Variants in KIF14 observed in about 807,000 individuals in gnomAD.
KIF14 encodes the protein kinesin-like protein KIF14.
In KIF14, 98 loss-of-function variants were observed where a neutral mutation model predicts 176.2. That is an observed-to-expected ratio of 0.56 (90% CI 0.47 to 0.66). The LOEUF (loss-of-function observed/expected upper bound fraction) is 0.66, where lower values mean the gene tolerates loss of function less well. KIF14 is among the 30% of genes least tolerant of loss of function. KIF14 has a pLI of 0.00. For synonymous variants in KIF14, 566 were observed against 632.2 expected (o/e 0.90, Z 1.57); for missense variants, 1,751 against 1,920.4 (o/e 0.91, Z 1.65).
chr1:200,593,600 C>T lies in KIF14; in HGVS notation c.2652+67G>A, dbSNP rs1571528820. ...CCTTATCTTATAGAGAAAACCAGAA[C>T]TCAAAGAAATTAAATGACTTATCCA... is the stretch of plus-strand genomic sequence containing the variant. On this transcript the variant is annotated intron_variant, in intron 15 of 29. Transcript: ENST00000367350. The T allele has an allele frequency of 2.9e-6, 3 of 1,035,358 alleles. No homozygotes were observed. In the Admixed American group the frequency reaches 5.6e-5, roughly 19 times the overall value. The allele number at this position is 1,035,358 out of a possible 1,614,324, so 64.1% of individuals were successfully genotyped here. A position where few individuals can be genotyped will look rare whatever the true frequency, so the allele number is the denominator to read the frequency against.
At chr1:200,558,257 G>C (rs1184610922) in intron 27 of KIF14, among the ~76,000 whole-genome samples, 1 of 152,118 alleles carries the variant, frequency 6.6e-6, no homozygotes, top group Non-Finnish European at 1.5e-5. Flanking sequence ...CCCTGGCCAA[G>C]GATGGTTTTA....
chr1:200,609,648 CAAAAAA>C (rs1208207707), intron 4 of KIF14, among the ~76,000 whole-genome samples: 1 of 151,994 alleles, frequency 6.6e-6, no homozygotes, highest in African/African-American at 2.4e-5. Flanking sequence ...GACTCCATCT[CAAAAAA>C]GAAAAAGAAT....
At chr1:200,566,406 C>T (rs535834715) in intron 23 of KIF14, among the ~76,000 whole-genome samples, 3 of 151,652 alleles carry the variant, frequency 2.0e-5, no homozygotes, top group South Asian at 2.1e-4. Context: ...TCCTGGCTAA[C>T]GTGGTGAAAC....
intron 12 of KIF14, 75 bp from the exon 13 acceptor site, chr1:200,600,188 T>C (rs1659554591): frequency 7.9e-7 from 1 of 1,259,432 alleles, no homozygotes; most frequent in Non-Finnish European, 1.1e-6. Flanking sequence ...AGACAATCAA[T>C]GAAAATTAGG....
At chr1:200,617,218 T>C (rs901563096) in intron 2 of KIF14, among the ~76,000 whole-genome samples, 5 of 152,212 alleles carry the variant, frequency 3.3e-5, no homozygotes, top group African/African-American at 1.2e-4. Flanking sequence ...TCTGCCTGCC[T>C]TGACCTCCCA....
intron 3 of KIF14, 28 bp from the exon 4 acceptor site, chr1:200,614,433 A>T: frequency 1.5e-6 from 2 of 1,311,196 alleles, no homozygotes; most frequent in Non-Finnish European, 2.2e-6. Context: ...AATAAGGGGG[A>T]AATAAAACTA....
At chr1:200,603,475 C>G in intron 9 of KIF14, 134 bp from the exon 10 acceptor site, 1 of 587,996 alleles carries the variant, frequency 1.7e-6, no homozygotes, top group Non-Finnish European at 3.0e-6. Flanking sequence ...GAGACAGAGT[C>G]TCACTCTGTT....
intron 20 of KIF14, among the ~76,000 whole-genome samples, chr1:200,580,850 C>A (rs1341023708): frequency 6.6e-6 from 1 of 152,012 alleles, no homozygotes; most frequent in Non-Finnish European, 1.5e-5. Context: ...GTGGCTCACA[C>A]CTGTAATCCC....
Position 200,552,294 on chromosome 1 carries a change from A to G in KIF14, c.*1094T>C. The stretch of plus-strand genomic sequence containing the variant: ...CGTCAAACTATTTCCGTAATGTAAG[A>G]TCCCACAAGTAGAATATTATCTTTA... On this transcript the variant is annotated 3_prime_UTR_variant, in exon 30 of 30. Coordinates refer to ENST00000367350, the MANE Select transcript of KIF14 (RefSeq NM_014875.3). 1 of 152,126 alleles carries G rather than the reference A, an allele frequency of 6.6e-6. No individual in the cohort carries two copies. The highest frequency in any genetic ancestry group is 2.4e-5 in the African/African-American group (1 of 41,436). The allele number at this position is 152,126 out of a possible 1,614,324, so 9.4% of individuals were successfully genotyped here.
At chr1:200,566,683 G>C (rs1657475000) in intron 23 of KIF14, among the ~76,000 whole-genome samples, 1 of 151,786 alleles carries the variant, frequency 6.6e-6, no homozygotes, top group African/African-American at 2.4e-5. Context: ...AGCACACTGA[G>C]CCTCAAACTC....
Position 200,580,774 on chromosome 1 carries a change from C to T in KIF14, c.3336-391G>A, listed in dbSNP as rs373459570. 5.9e-5 allele frequency among the ~76,000 whole-genome samples: 9 copies of T among 152,076 alleles called. No homozygotes were observed. The East Asian group carries it at 1.3e-3, about 23-fold the overall frequency. ...AGTCTCACTGGGGATTCTGGGGATT[C>T]TGATACCAGCTCTTTCCTATAGCTG... On this transcript the variant is annotated intron_variant, in intron 20 of 29. Transcript: ENST00000367350.
At position 200,618,820 on chromosome 1, in the gene KIF14, T is replaced by C; in HGVS notation, c.-97A>G. The C allele has an allele frequency of 4.2e-6, 4 of 950,286 alleles. No homozygotes were observed. The highest frequency in any genetic ancestry group is 6.2e-6 in the Non-Finnish European group (4 of 641,552). The allele number at this position is 950,286 out of a possible 1,614,324, so 58.9% of individuals were successfully genotyped here. On this transcript the variant is annotated 5_prime_UTR_variant, in exon 2 of 30. Coordinates refer to ENST00000367350, the MANE Select transcript of KIF14 (RefSeq NM_014875.3). ...TCCAGCCATTTCTTATGTATCCATTTCTGAAAGTATCTGCTAAACTAAAAG... is the reference window on the plus strand; with the variant it reads ...TCCAGCCATTTCTTATGTATCCATTCCTGAAAGTATCTGCTAAACTAAAAG...
At chr1:200,611,384 A>G (rs1660148741) in intron 4 of KIF14, among the ~76,000 whole-genome samples, 1 of 152,334 alleles carries the variant, frequency 6.6e-6, no homozygotes, top group South Asian at 2.1e-4. Context: ...ACAGTACATG[A>G]GTAATACAAG....
Position 200,553,719 on chromosome 1 carries a change from C to T in KIF14, c.4616G>A (p.Arg1539His), listed in dbSNP as rs780969944. The part of the protein sequence containing the change: ...NLLQTCVESI[R>H]NLASDFYSDF... Reference sequence around the variant, plus strand: ...ACTGTAAAAATCACTGGCCAAGTTGCGAATACTTTCAACACAAGTCTGGAG... The same window carrying T: ...ACTGTAAAAATCACTGGCCAAGTTGTGAATACTTTCAACACAAGTCTGGAG... The change falls in exon 30 of 30, where the codon CGC becomes CAC. Residue 1539 changes from arginine (R) to histidine (H), a missense_variant. Arg to His is a conservative substitution (Grantham distance 29, BLOSUM62 0). Transcript: ENST00000367350. 3.7e-6 allele frequency: 6 copies of T among 1,610,930 alleles called. No homozygotes were observed. Among genetic ancestry groups the T allele is most frequent in the South Asian group, 1.1e-5 (1 of 90,812 alleles).
At chr1:200,600,150 A>T (rs749528976) in intron 12 of KIF14, 37 bp from the exon 13 acceptor site, 1 of 1,437,740 alleles carries the variant, frequency 7.0e-7, no homozygotes, top group South Asian at 1.2e-5. Flanking sequence ...AGTTAAAAAC[A>T]TCCAGATGTA....
intron 29 of KIF14, 146 bp downstream of exon 29, chr1:200,554,322 C>T (rs1408512245): frequency 3.7e-5 from 19 of 518,184 alleles, no homozygotes; most frequent in Admixed American, 8.0e-5. Context: ...ACCCAGGAGT[C>T]GGAGGTTGCA....
Position 200,573,435 on chromosome 1 carries a change from T to C in KIF14, c.3566+2156A>G, listed in dbSNP as rs995264946. Among the ~76,000 whole-genome samples the C allele has an allele frequency of 2.3e-5, 3 of 130,438 alleles. No individual in the cohort carries two copies. In the South Asian group the frequency reaches 7.2e-4, roughly 31 times the overall value. 85.6% of individuals were successfully genotyped at this position (130,438 alleles called of 152,430 possible). A position where few individuals can be genotyped will look rare whatever the true frequency, so the allele number is the denominator to read the frequency against. On this transcript the variant is annotated intron_variant, in intron 22 of 29. Transcript: ENST00000367350. ...ACTCAAGGAGCTCATTTCTTTTTTT[T>C]TTTTTTTTTTTTTTTTGAGACGGAG...
In KIF14 at chr1:200,593,739, A is replaced by T. The variant is rs1659170154; in HGVS notation, c.2580T>A (p.Ser860Arg). ...TCTTTGCTTCCCCAACTGGGATAAT[A>T]CTCACTGTCCCACCAAAATTTTTGA... ...CTIKNFGGTV[S>R]IIPVGEAKTY... The change falls in exon 15 of 30, where the codon AGT becomes AGA. Residue 860 changes from serine (S) to arginine (R), a missense_variant. Ser to Arg is a moderately radical substitution (Grantham distance 110). Transcript: ENST00000367350. 2 of 1,612,306 alleles carry T rather than the reference A, an allele frequency of 1.2e-6. No individual in the cohort carries two copies. Among genetic ancestry groups the T allele is most frequent in the Non-Finnish European group, 1.7e-6 (2 of 1,178,710 alleles).
rs150329033 is a variant in KIF14, at chr1:200,590,537, T to G, written c.2814-265A>C. Reference sequence around the variant, plus strand: ...CCTGACATTTAAATAAAATCAGTGCTTTAGTAACTACATTATACAGAAATT... The same window carrying G: ...CCTGACATTTAAATAAAATCAGTGCGTTAGTAACTACATTATACAGAAATT... On this transcript the variant is annotated intron_variant, in intron 16 of 29. Transcript: ENST00000367350. Among the ~76,000 whole-genome samples, 327 of 152,308 alleles carry G rather than the reference T, an allele frequency of 2.1e-3. 1 individual carries two copies. The highest frequency in any genetic ancestry group is 7.5e-3 in the African/African-American group (312 of 41,574).
Sources: gnomAD v4.1 joint callset for allele counts (sites outside exome capture counted in the v4.1 genomes callset) on GRCh38, gnomAD v4.1.1 for gene constraint, MANE v1.5 for transcripts, NCBI Gene and HGNC (gene_info 2026-07-23, HGNC 2026-07-21) for gene names.